The following OTUD7B variants were observed in gnomAD, a reference collection of about 807,000 sequenced individuals.
OTUD7B encodes OTU deubiquitinase 7B.
In OTUD7B, 34 loss-of-function variants were observed where a neutral mutation model predicts 82.2. The ratio of observed to expected loss-of-function variants is 0.41; its 90% confidence interval spans 0.31 to 0.55. OTUD7B has a LOEUF of 0.55. Among genes scored for constraint, OTUD7B ranks in the 20% least tolerant of loss-of-function variants. The pLI, the probability that OTUD7B is intolerant of heterozygous loss-of-function variation, is 0.20. For missense variants in OTUD7B, 944 were observed against 1,062.1 expected, an observed-to-expected ratio of 0.89 and a Z score of 1.55; for synonymous variants, 398 against 402.7, an observed-to-expected ratio of 0.99 and a Z score of 0.14.
At chr1:150,048,182 A>T in the OTUD7B span, among the ~76,000 whole-genome samples, 1 of 152,124 alleles carries the variant, frequency 6.6e-6, no homozygotes, top group African/African-American at 2.4e-5. Flanking sequence ...CTTCCCTCAT[A>T]TTTTTGATAA....
intron 2 of OTUD7B, among the ~76,000 whole-genome samples, chr1:149,974,642 CG>C (rs1553778248): frequency 6.7e-6 from 1 of 150,242 alleles, no homozygotes; most frequent in Non-Finnish European, 1.5e-5. Flanking sequence ...CTCTGCCTCC[CG>C]GGTTTAAGAG....
the OTUD7B span, among the ~76,000 whole-genome samples, chr1:150,028,394 T>C: frequency 6.6e-6 from 1 of 152,168 alleles, no homozygotes; most frequent in Non-Finnish European, 1.5e-5. Flanking sequence ...CACTTCACTG[T>C]GGGTTTTTTT....
the OTUD7B span, among the ~76,000 whole-genome samples, chr1:150,025,821 G>A: frequency 3.9e-5 from 6 of 152,270 alleles, no homozygotes; most frequent in East Asian, 1.2e-3. Context: ...CAATTATTGT[G>A]GCAGGGAAAT....
At chr1:150,059,742 G>A in the OTUD7B span, among the ~76,000 whole-genome samples, 5 of 152,002 alleles carry the variant, frequency 3.3e-5, no homozygotes, top group South Asian at 2.1e-4. Flanking sequence ...CATAAAACTC[G>A]GCTACTCTGG....
intron 1 of OTUD7B, among the ~76,000 whole-genome samples, chr1:149,979,034 A>C (rs1423917426): frequency 2.0e-5 from 3 of 151,282 alleles, no homozygotes; most frequent in Non-Finnish European, 4.4e-5. Flanking sequence ...TTTGAGACAG[A>C]GAAAGATGGC....
At chr1:149,958,761 A>T (rs1648911541) in intron 7 of OTUD7B, among the ~76,000 whole-genome samples, 1 of 146,936 alleles carries the variant, frequency 6.8e-6, no homozygotes, top group Non-Finnish European at 1.5e-5. Flanking sequence ...TTTTTCTTTT[A>T]GAGACAGAGG....
chr1:150,014,066 G>A (rs1192335657), upstream of OTUD7B, among the ~76,000 whole-genome samples: 11 of 28,564 alleles, frequency 3.9e-4, no homozygotes, highest in South Asian at 4.1e-3. Context: ...ATATGTGTGT[G>A]TGTGTGTGTG....
intron 1 of OTUD7B, among the ~76,000 whole-genome samples, chr1:149,998,964 A>T (rs1318196317): frequency 6.6e-6 from 1 of 152,088 alleles, no homozygotes; most frequent in African/African-American, 2.4e-5. Context: ...ATATGCATTT[A>T]TCTGTATGTA....
At chr1:149,976,945 C>T (rs782812841) in intron 2 of OTUD7B, among the ~76,000 whole-genome samples, 2 of 151,932 alleles carry the variant, frequency 1.3e-5, no homozygotes, top group Non-Finnish European at 2.9e-5. Context: ...ACAGGTGAAA[C>T]TTAATCTCTA....
chr1:150,000,502 C>CA (rs1239517503), intron 1 of OTUD7B, among the ~76,000 whole-genome samples: 2 of 150,104 alleles, frequency 1.3e-5, no homozygotes, highest in Non-Finnish European at 3.0e-5. Context: ...AACAAACAAA[C>CA]AAAAAAACAG....
chr1:150,054,073 G>T, the OTUD7B span: 1 of 383,108 alleles, frequency 2.6e-6, no homozygotes. Flanking sequence ...CCACGTGCAA[G>T]AGGAAGTACT....
At chr1:149,959,451 T>G (rs374288245) in intron 7 of OTUD7B, among the ~76,000 whole-genome samples, 16 of 152,274 alleles carry the variant, frequency 1.1e-4, no homozygotes, top group African/African-American at 3.6e-4. Flanking sequence ...AGATACTGGG[T>G]CATTTGTCCT....
At position 149,940,771 on chromosome 1, in the gene OTUD7B, A is replaced by G. The variant is rs1450882893; in HGVS notation, c.*3086T>C. On this transcript the variant is annotated 3_prime_UTR_variant, in exon 12 of 12. Coordinates refer to ENST00000581312, the MANE Select transcript of OTUD7B (RefSeq NM_020205.4). ...TTCTTTCCTTCTCCCCAACCCAGTA[A>G]CGACATGGGCTTGCCTCTTCTATTC... The G allele has an allele frequency of 6.6e-6, 1 of 152,012 alleles. No individual in the cohort carries two copies. The highest frequency in any genetic ancestry group is 1.5e-5 in the Non-Finnish European group (1 of 68,026). The allele number at this position is 152,012 out of a possible 1,614,324, so 9.4% of individuals were successfully genotyped here.
chr1:149,972,759 C>T (rs782573445), intron 2 of OTUD7B, among the ~76,000 whole-genome samples: 2 of 152,160 alleles, frequency 1.3e-5, no homozygotes, highest in African/African-American at 2.4e-5. Context: ...TAATGGATAA[C>T]TCTTCTCCTG....
chr1:150,051,715 A>G, the OTUD7B span, among the ~76,000 whole-genome samples: 1 of 152,190 alleles, frequency 6.6e-6, no homozygotes, highest in Non-Finnish European at 1.5e-5. Context: ...GTCTCAGCAC[A>G]TAGTAAAAGC....
the OTUD7B span, among the ~76,000 whole-genome samples, chr1:150,022,912 A>G: frequency 1.6e-4 from 25 of 152,336 alleles, no homozygotes; most frequent in South Asian, 4.8e-3. Context: ...ACAGCAACAA[A>G]CAGCATTAGC....
intron 7 of OTUD7B, among the ~76,000 whole-genome samples, chr1:149,955,759 T>C (rs1377222849): frequency 1.3e-5 from 2 of 152,176 alleles, no homozygotes; most frequent in Admixed American, 6.6e-5. Flanking sequence ...AAGATAGCTC[T>C]TCCTGTTGAA....
rs1553771047 is a variant in OTUD7B, at chr1:149,943,812, A to G, written c.*45T>C. 5.7e-6 allele frequency: 9 copies of G among 1,570,122 alleles called. No homozygotes were observed. Among genetic ancestry groups the G allele is most frequent in the South Asian group, 1.1e-5 (1 of 88,872 alleles). On this transcript the variant is annotated 3_prime_UTR_variant, in exon 12 of 12. Transcript: ENST00000581312. ...GTGTTCTTGATGAGCCAATTAGTTG[A>G]GCTTAACTTTGTTTAGCCTCCTTGC...
rs1652806927 is a variant in OTUD7B, at chr1:150,008,430, G to A, written c.-67+2018C>T. Among the ~76,000 whole-genome samples, 3 of 152,084 alleles carry A rather than the reference G, an allele frequency of 2.0e-5. No homozygotes were observed. The South Asian group carries it at 6.2e-4, about 32-fold the overall frequency. The stretch of plus-strand genomic sequence containing the variant: ...TCAAAAGAAAGATTAAACAAATAAA[G>A]CTTTGGGAAATTTTCCAAGTTGTTG... On this transcript the variant is annotated intron_variant, in intron 1 of 11. Transcript: ENST00000581312.
Sources: gnomAD v4.1 joint callset for allele counts (sites outside exome capture counted in the v4.1 genomes callset) on GRCh38, gnomAD v4.1.1 for gene constraint, MANE v1.5 for transcripts, NCBI Gene and HGNC (gene_info 2026-07-23, HGNC 2026-07-21) for gene names.